Variants in DGKA observed in about 807,000 individuals in gnomAD.
The protein encoded by DGKA is 80 kDa diacylglycerol kinase.
A neutral mutation model predicts 105.0 loss-of-function variants in DGKA; 35 were observed. That is an observed-to-expected ratio of 0.33 (90% CI 0.25 to 0.44). The LOEUF is 0.44. Among genes scored for constraint, DGKA ranks in the 20% least tolerant of loss-of-function variants. The probability of loss-of-function intolerance (pLI) is 1.00; values close to 1 mark genes in which losing one functional copy is unlikely to be tolerated. For synonymous variants in DGKA, 296 were observed against 332.0 expected, an observed-to-expected ratio of 0.89 and a Z score of 1.18; for missense variants, 665 against 915.0, an observed-to-expected ratio of 0.73 and a Z score of 3.53.
upstream of DGKA, among the ~76,000 whole-genome samples, chr12:55,928,665 G>A (rs772702): frequency 0.84 from 107,448 of 127,814 alleles, 45,391 homozygotes; most frequent in African/African-American, 0.93. Flanking sequence ...CGACAGAGTG[G>A]GACCCCGTCT....
upstream of DGKA, chr12:55,927,332 T>G: frequency 4.0e-6 from 3 of 757,336 alleles, no homozygotes; most frequent in Non-Finnish European, 6.9e-6. Flanking sequence ...ACTGAGCGCT[T>G]GCTGCCTGTA....
chr12:55,937,368 C>G, intron 3 of DGKA, 40 bp from the exon 4 acceptor site: 1 of 1,604,286 alleles, frequency 6.2e-7, no homozygotes, highest in Non-Finnish European at 8.5e-7. Flanking sequence ...CCAGCTCTGA[C>G]CTTGCAGACT....
Position 55,952,058 on chromosome 12 carries a change from C to T in DGKA, c.1611C>T (p.Phe537=), listed in dbSNP as rs1592750160. ...IGVDASIAHR[F]HIMREKYPEK... ...AGGATGCCTCTATTGCTCATCGATT[C>T]CACATCATGCGAGAGAAATATCCGG... The change falls in exon 19 of 24, where the codon TTC becomes TTT. Residue 537 remains phenylalanine (F), a synonymous_variant. Transcript: ENST00000331886. This position sits in a 1 kb window ranked among gnomAD's most constrained non-coding sequence, Gnocchi z 5.1. 2.5e-6 allele frequency: 4 copies of T among 1,614,022 alleles called. No homozygotes were observed. In the East Asian group the frequency reaches 8.9e-5, roughly 36 times the overall value.
In DGKA at chr12:55,940,481, T is replaced by G. The variant is rs374492516; in HGVS notation, c.918+48T>G. On this transcript the variant is annotated intron_variant, in intron 11 of 23. Transcript: ENST00000331886. This position sits in a 1 kb window ranked among gnomAD's most constrained non-coding sequence, Gnocchi z 4.3. The stretch of plus-strand genomic sequence containing the variant: ...CTGGGTGCGTCTTACCCCGCAGAGC[T>G]GCCTTCTCCACGGGCCTCCGGCCAC... The G allele has an allele frequency of 6.2e-7, 1 of 1,606,182 alleles. No homozygotes were observed. Among genetic ancestry groups the G allele is most frequent in the South Asian group, 1.1e-5 (1 of 90,448 alleles).
At chr12:55,934,665 G>A (rs1313678106) in intron 1 of DGKA, among the ~76,000 whole-genome samples, 1 of 152,188 alleles carries the variant, frequency 6.6e-6, no homozygotes, top group Admixed American at 6.5e-5. Flanking sequence ...GTCAATAAGT[G>A]CTTTTCAGCA....
intron 17 of DGKA, among the ~76,000 whole-genome samples, chr12:55,946,559 G>T (rs1478511904): frequency 6.6e-6 from 1 of 152,148 alleles, no homozygotes; most frequent in Non-Finnish European, 1.5e-5. Flanking sequence ...GTTTCGCCAT[G>T]TTGGCCAGGC....
chr12:55,952,985 C>T lies in DGKA; in HGVS notation c.1942+53C>T. On this transcript the variant is annotated intron_variant, in intron 21 of 23. Coordinates refer to ENST00000331886, the MANE Select transcript of DGKA (RefSeq NM_001345.5). This position sits in a 1 kb window ranked among gnomAD's most constrained non-coding sequence, Gnocchi z 5.1. Reference sequence around the variant, plus strand: ...TGGGCAGGACGAAGGGAAAGTGTGACTCCCTATGGGGATACCCTGTTTATG... The same window carrying T: ...TGGGCAGGACGAAGGGAAAGTGTGATTCCCTATGGGGATACCCTGTTTATG... The T allele has an allele frequency of 6.2e-7, 1 of 1,614,048 alleles. No individual in the cohort carries two copies. The highest frequency in any genetic ancestry group is 1.3e-5 in the African/African-American group (1 of 75,044).
upstream of DGKA, chr12:55,927,512 C>T (rs577965433): frequency 1.8e-3 from 1,258 of 694,224 alleles, 3 homozygotes; most frequent in Non-Finnish European, 2.7e-3. Context: ...TGGCCTGCAC[C>T]CAGATCTCAG....
chr12:55,945,950 G>A (rs1886906175), intron 17 of DGKA, among the ~76,000 whole-genome samples: 1 of 151,504 alleles, frequency 6.6e-6, no homozygotes, highest in Non-Finnish European at 1.5e-5. Context: ...CCAACACACC[G>A]GCTAATTTTT....
chr12:55,949,540 T>A (rs547446016), intron 17 of DGKA, among the ~76,000 whole-genome samples: 2 of 152,314 alleles, frequency 1.3e-5, no homozygotes, highest in African/African-American at 4.8e-5. Context: ...TTTGATAAAA[T>A]TTGCCAAAAT....
intron 17 of DGKA, among the ~76,000 whole-genome samples, chr12:55,948,569 A>G (rs1887515492): frequency 6.6e-6 from 1 of 151,328 alleles, no homozygotes; most frequent in Non-Finnish European, 1.5e-5. Flanking sequence ...CTCTATGAAA[A>G]ATAAAATAAT....
chr12:55,952,865 C>A lies in DGKA; in HGVS notation c.1875C>A (p.Ile625=). ...GACCCCATGGGGATATCTATGGGATCAACCAGGCCTTAGGTGCTACAGCTA... is the reference window on the plus strand; with the variant it reads ...GACCCCATGGGGATATCTATGGGATAAACCAGGCCTTAGGTGCTACAGCTA... ...TRRPHGDIYG[I]NQALGATAKV... The change falls in exon 21 of 24, where the codon ATC becomes ATA. Residue 625 remains isoleucine (I), a synonymous_variant. Transcript: ENST00000331886. The surrounding 1 kb of genome is among the most constrained non-coding windows in gnomAD (Gnocchi z 5.1). The A allele has an allele frequency of 6.2e-7, 1 of 1,614,178 alleles. No individual in the cohort carries two copies. Among genetic ancestry groups the A allele is most frequent in the Non-Finnish European group, 8.5e-7 (1 of 1,180,032 alleles).
upstream of DGKA, chr12:55,927,967 T>A (rs1050099010): frequency 2.2e-5 from 13 of 600,868 alleles, no homozygotes; most frequent in Admixed American, 4.2e-4. Context: ...AGTATTCTAA[T>A]TAAACTCGTC....
intron 4 of DGKA, 91 bp downstream of exon 4, chr12:55,937,634 G>T: frequency 2.0e-6 from 3 of 1,501,964 alleles, no homozygotes; most frequent in Non-Finnish European, 2.7e-6. Context: ...TGAGTCACAC[G>T]TTGTGCAGGT....
chr12:55,937,421 A>C lies in DGKA; in HGVS notation c.152A>C (p.Glu51Ala). 1 of 1,614,090 alleles carries C rather than the reference A, an allele frequency of 6.2e-7. No individual in the cohort carries two copies. The highest frequency in any genetic ancestry group is 2.2e-5 in the East Asian group (1 of 44,890). Residue 51 changes from glutamate (E) to alanine (A), a missense_variant, in exon 4 of 24, where the codon GAG becomes GCG. By Grantham distance (107) the Glu-to-Ala change is moderately radical. Coordinates refer to ENST00000331886, the MANE Select transcript of DGKA (RefSeq NM_001345.5). ...KYVQGDAIGY[E>A]GFQQFLKIYL... is the part of the protein sequence containing the mutation. ...CTCTCATTATAGGCCATTGGGTACG[A>C]GGGATTCCAGCAATTCCTGAAAATC...
At position 55,940,663 on chromosome 12, in the gene DGKA, G is replaced by A; in HGVS notation, c.958G>A (p.Asp320Asn). 1 of 1,601,782 alleles carries A rather than the reference G, an allele frequency of 6.2e-7. No individual in the cohort carries two copies. Among genetic ancestry groups the A allele is most frequent in the Non-Finnish European group, 8.5e-7 (1 of 1,175,896 alleles). ...CCTGCAAGCGGTGGGCCATGAGTGT[G>A]ACTGTGGGCTGCTCCGGGATCACAT... Reference protein sequence around the residue: ...DCLQAVGHECDCGLLRDHILP... With the variant: ...DCLQAVGHECNCGLLRDHILP... The change falls in exon 12 of 24, where the codon GAC (aspartate) becomes AAC (asparagine). Residue 320 changes from aspartate (D) to asparagine (N), a missense_variant. Coordinates refer to ENST00000331886, the MANE Select transcript of DGKA (RefSeq NM_001345.5). The surrounding 1 kb of genome is among the most constrained non-coding windows in gnomAD (Gnocchi z 4.3).
rs1267952817 is a variant in DGKA, at chr12:55,952,866, A to T, written c.1876A>T (p.Asn626Tyr). Residue 626 changes from asparagine (N) to tyrosine (Y), a missense_variant, in exon 21 of 24, where the codon AAC becomes TAC. Coordinates refer to ENST00000331886, the MANE Select transcript of DGKA (RefSeq NM_001345.5). The surrounding 1 kb of genome is among the most constrained non-coding windows in gnomAD (Gnocchi z 5.1). ...ACCCCATGGGGATATCTATGGGATCAACCAGGCCTTAGGTGCTACAGCTAA... is the reference window on the plus strand; with the variant it reads ...ACCCCATGGGGATATCTATGGGATCTACCAGGCCTTAGGTGCTACAGCTAA... ...RRPHGDIYGI[N>Y]QALGATAKVI... 1.9e-6 allele frequency: 3 copies of T among 1,614,182 alleles called. No homozygotes were observed. In the Admixed American group the frequency reaches 5.0e-5, roughly 27 times the overall value.
chr12:55,934,351 A>C (rs1433989595), intron 1 of DGKA, among the ~76,000 whole-genome samples: 1 of 152,158 alleles, frequency 6.6e-6, no homozygotes, highest in Non-Finnish European at 1.5e-5. Flanking sequence ...ATTAGTATTC[A>C]TTAGGTCTGT....
At chr12:55,928,492 A>G (rs1218168465), upstream of DGKA, among the ~76,000 whole-genome samples, 1 of 151,746 alleles carries the variant, frequency 6.6e-6, no homozygotes, top group Non-Finnish European at 1.5e-5. Flanking sequence ...CCTGGCCAAG[A>G]TGGCGAAACC....
Sources: gnomAD v4.1 joint callset for allele counts (sites outside exome capture counted in the v4.1 genomes callset) on GRCh38, gnomAD v4.1.1 for gene constraint, Gnocchi (gnomAD v3.1) non-coding constraint, MANE v1.5 for transcripts, NCBI Gene and HGNC (gene_info 2026-07-23, HGNC 2026-07-21) for gene names.